The following FAAH2 variants were observed in gnomAD, a reference collection of about 807,000 sequenced individuals.
The protein encoded by FAAH2 is fatty acid amide hydrolase 2.
In FAAH2, 60 loss-of-function variants were observed where a neutral mutation model predicts 36.9. The ratio of observed to expected loss-of-function variants is 1.63; its 90% confidence interval spans 1.32 to 2.02. The LOEUF (loss-of-function observed/expected upper bound fraction) is 2.02. Ranked by LOEUF, FAAH2 falls within the 30% of genes most tolerant of loss-of-function variation. The probability of loss-of-function intolerance (pLI) is 0.00; values close to 1 mark genes in which losing one functional copy is unlikely to be tolerated. For synonymous variants in FAAH2, 214 were observed against 143.8 expected (o/e 1.49, Z -3.49); for missense variants, 689 against 397.5 (o/e 1.73, Z -6.23).
chrX:57,265,975 G>C, the FAAH2 span, among the ~76,000 whole-genome samples: 1 of 111,977 alleles, frequency 8.9e-6, no homozygotes, highest in Non-Finnish European at 1.9e-5. Flanking sequence ...CTGGGATGGA[G>C]CTCCCAGGGG....
intron 5 of FAAH2, among the ~76,000 whole-genome samples, chrX:57,350,609 G>C (rs770762974): frequency 2.7e-5 from 3 of 110,819 alleles, no homozygotes; most frequent in Non-Finnish European, 5.7e-5. Context: ...CTTCTTACAA[G>C]AAAGTTACTT....
At chrX:57,172,525 G>A in the FAAH2 span, among the ~76,000 whole-genome samples, 1 of 111,998 alleles carries the variant, frequency 8.9e-6, no homozygotes, top group Non-Finnish European at 1.9e-5. Flanking sequence ...TTGTGTTAAC[G>A]AACTCAATTA....
chrX:57,419,883 A>G (rs2055961609), intron 7 of FAAH2, among the ~76,000 whole-genome samples: 1 of 111,666 alleles, frequency 9.0e-6, no homozygotes, highest in Admixed American at 9.5e-5. Context: ...TCCATCTTGA[A>G]TTGATTTTTG....
chrX:57,194,378 C>T, the FAAH2 span, among the ~76,000 whole-genome samples: 1 of 110,917 alleles, frequency 9.0e-6, no homozygotes, highest in Non-Finnish European at 1.9e-5. Flanking sequence ...TTTTTCACCT[C>T]TGATTTTATT....
At chrX:57,421,135 T>C (rs4826550) in intron 7 of FAAH2, among the ~76,000 whole-genome samples, 60,786 of 111,423 alleles carry the variant, frequency 0.55, 14,416 homozygotes, top group Non-Finnish European at 0.75. Flanking sequence ...GAGTGAAAAC[T>C]ATTATCAAGA....
chrX:57,175,280 A>G, the FAAH2 span, among the ~76,000 whole-genome samples: 1 of 111,632 alleles, frequency 9.0e-6, no homozygotes, highest in African/African-American at 3.2e-5. Flanking sequence ...TATAATTAGG[A>G]TTGTAATATC....
At chrX:57,311,381 AGGGAACT>A (rs2052688174) in intron 3 of FAAH2, among the ~76,000 whole-genome samples, 1 of 112,321 alleles carries the variant, frequency 8.9e-6, no homozygotes, top group Non-Finnish European at 1.9e-5. Flanking sequence ...GGGGTCAGTG[AGGGAACT>A]GAGGCCTCAC....
intron 3 of FAAH2, among the ~76,000 whole-genome samples, chrX:57,315,553 A>C (rs1460814561): frequency 8.9e-6 from 1 of 111,889 alleles, no homozygotes; most frequent in Non-Finnish European, 1.9e-5. Context: ...ACAAAAAGTT[A>C]ACTCATTATG....
At chrX:57,465,150 AAG>A (rs1037675514) in intron 10 of FAAH2, among the ~76,000 whole-genome samples, 2 of 111,837 alleles carry the variant, frequency 1.8e-5, no homozygotes, top group African/African-American at 6.5e-5. Context: ...TGGAAGAATA[AAG>A]AGGAAAGAAT....
At chrX:57,324,687 T>C (rs988323469) in intron 3 of FAAH2, among the ~76,000 whole-genome samples, 3 of 112,324 alleles carry the variant, frequency 2.7e-5, no homozygotes, top group African/African-American at 9.7e-5. Flanking sequence ...TGCACATTGA[T>C]TTTATATCCT....
At chrX:57,187,065 T>A in the FAAH2 span, among the ~76,000 whole-genome samples, 1 of 111,850 alleles carries the variant, frequency 8.9e-6, no homozygotes, top group Non-Finnish European at 1.9e-5. Context: ...TTTGGTTCCG[T>A]GTGAAATGTA....
the FAAH2 span, among the ~76,000 whole-genome samples, chrX:57,142,977 A>G: frequency 9.1e-6 from 1 of 109,862 alleles, no homozygotes; most frequent in East Asian, 2.8e-4. Context: ...CCATTCTTTA[A>G]TTTTAGGTCT....
chrX:57,306,690 TTGTGTGTGTGTG>T (rs758466450), intron 2 of FAAH2, among the ~76,000 whole-genome samples: 21 of 68,574 alleles, frequency 3.1e-4, no homozygotes, highest in Admixed American at 9.6e-4. Context: ...TAGCAACATC[TTGTGTGTGTGTG>T]TGTGTGTGTG....
At chrX:57,438,077 A>G (rs1238312339) in intron 8 of FAAH2, among the ~76,000 whole-genome samples, 6 of 104,845 alleles carry the variant, frequency 5.7e-5, no homozygotes, top group Non-Finnish European at 1.2e-4. Flanking sequence ...ATATACATAC[A>G]TACACGTGTA....
chrX:57,485,257 G>T (rs2057453796), intron 10 of FAAH2, among the ~76,000 whole-genome samples: 1 of 111,630 alleles, frequency 9.0e-6, no homozygotes, highest in Non-Finnish European at 1.9e-5. Context: ...CTGGCCCAGA[G>T]GTGTCAGGGG....
intron 4 of FAAH2, among the ~76,000 whole-genome samples, chrX:57,333,957 G>C (rs1293789884): frequency 9.0e-6 from 1 of 111,502 alleles, no homozygotes; most frequent in South Asian, 3.8e-4. Flanking sequence ...ATCTGTAGAA[G>C]AGCAAAGACA....
intron 8 of FAAH2, among the ~76,000 whole-genome samples, chrX:57,436,701 G>A (rs1191991185): frequency 9.0e-6 from 1 of 111,122 alleles, no homozygotes; most frequent in Non-Finnish European, 1.9e-5. Flanking sequence ...TGAATCAGGA[G>A]GTAATAGAGA....
At chrX:57,238,658 A>T in the FAAH2 span, among the ~76,000 whole-genome samples, 49 of 111,867 alleles carry the variant, frequency 4.4e-4, no homozygotes, top group African/African-American at 1.6e-3. Context: ...CCTTTTAAAA[A>T]TTTTATTTTA....
intron 10 of FAAH2, among the ~76,000 whole-genome samples, chrX:57,482,218 G>A (rs772749146): frequency 1.9e-4 from 21 of 111,567 alleles, no homozygotes; most frequent in Non-Finnish European, 4.0e-4. Flanking sequence ...AGGCTCCCTG[G>A]CTTCAGACCC....
Sources: allele counts gnomAD v4.1 joint callset (sites outside exome capture counted in the v4.1 genomes callset), GRCh38; gene constraint gnomAD v4.1.1; transcripts MANE v1.5; gene names NCBI Gene and HGNC (gene_info 2026-07-23, HGNC 2026-07-21).